TNFRSF11A: variants seen among roughly 807,000 people sequenced by gnomAD.
TNFRSF11A encodes tumor necrosis factor receptor superfamily member 11A.
Under a neutral mutation model 55.7 loss-of-function variants are expected in TNFRSF11A, and 32 were observed. The ratio of observed to expected loss-of-function variants is 0.57; its 90% CI spans 0.43 to 0.77. The LOEUF is 0.77. Among genes scored for constraint, TNFRSF11A ranks in the 30% least tolerant of loss-of-function variants. TNFRSF11A has a pLI of 0.00. For synonymous variants in TNFRSF11A, 311 were observed against 331.0 expected (o/e 0.94, Z 0.65); for missense variants, 753 against 809.8 (o/e 0.93, Z 0.85).
At position 62,361,772 on chromosome 18, in the gene TNFRSF11A, A is replaced by G. The variant is rs760249707; in HGVS notation, c.709A>G (p.Lys237Glu). 9 of 1,613,578 alleles carry G rather than the reference A, an allele frequency of 5.6e-6. No individual in the cohort carries two copies. Among genetic ancestry groups the G allele is most frequent in the African/African-American group, 2.7e-5 (2 of 74,868 alleles). ...CATCATCTTTGGCGTTTGCTATAGG[A>G]AAAAAGGGAAAGCACTCACAGGTAT... ...AAIIFGVCYR[K>E]KGKALTANLW... Residue 237 changes from lysine (K) to glutamate (E), a missense_variant, in exon 7 of 10, where the codon AAA (lysine) becomes GAA (glutamate). Physicochemically the swap from Lys to Glu is moderately conservative, Grantham distance 56. Coordinates refer to ENST00000586569, the MANE Select transcript of TNFRSF11A (RefSeq NM_003839.4).
chr18:62,356,286 G>A (rs1909249769), intron 4 of TNFRSF11A, among the ~76,000 whole-genome samples: 2 of 152,170 alleles, frequency 1.3e-5, no homozygotes, highest in African/African-American at 4.8e-5. Context: ...GAGTCTAACT[G>A]ACACATTCGG....
rs1163548471 is a variant in TNFRSF11A, at chr18:62,383,091, G to A, written c.1568-1660G>A. On this transcript the variant is annotated intron_variant, in intron 9 of 9. Coordinates refer to ENST00000586569, the MANE Select transcript of TNFRSF11A (RefSeq NM_003839.4). This position sits in a 1 kb window ranked among gnomAD's most constrained non-coding sequence, Gnocchi z 4.2. ...GAAGGTGCTGGGTAGGTGGTAAACAGGAATGCCAACGGGCCTCCCTCATGC... is the reference window on the plus strand; with the variant it reads ...GAAGGTGCTGGGTAGGTGGTAAACAAGAATGCCAACGGGCCTCCCTCATGC... Among the ~76,000 whole-genome samples, 1 of 152,142 alleles carries A rather than the reference G, an allele frequency of 6.6e-6. No homozygotes were observed. Among genetic ancestry groups the A allele is most frequent in the Non-Finnish European group, 1.5e-5 (1 of 68,020 alleles).
chr18:62,381,551 G>A (rs182902153), intron 9 of TNFRSF11A, among the ~76,000 whole-genome samples: 14 of 152,314 alleles, frequency 9.2e-5, no homozygotes, highest in Admixed American at 1.3e-4. Flanking sequence ...GCAGTTTTAC[G>A]TGATACTGAA....
intron 9 of TNFRSF11A, among the ~76,000 whole-genome samples, chr18:62,372,614 A>C (rs1288964753): frequency 3.3e-5 from 5 of 152,078 alleles, no homozygotes; most frequent in African/African-American, 1.2e-4. Context: ...TGATCTCGTC[A>C]TCCAGGCAGT....
At chr18:62,347,391 A>C (rs1358531862) in intron 1 of TNFRSF11A, among the ~76,000 whole-genome samples, 1 of 152,176 alleles carries the variant, frequency 6.6e-6, no homozygotes, top group Non-Finnish European at 1.5e-5. Flanking sequence ...GTGATTATAG[A>C]TGCCTGGGCT....
intron 3 of TNFRSF11A, among the ~76,000 whole-genome samples, chr18:62,353,697 A>G (rs1194531951): frequency 6.7e-6 from 1 of 149,074 alleles, no homozygotes; most frequent in African/African-American, 2.4e-5. Flanking sequence ...GTGTGTATGT[A>G]GTTTATAACA....
intron 1 of TNFRSF11A, among the ~76,000 whole-genome samples, chr18:62,338,145 T>TAAAAACC (rs2046260812): frequency 6.6e-6 from 1 of 152,170 alleles, no homozygotes; most frequent in Non-Finnish European, 1.5e-5. Context: ...GCTATTATTT[T>TAAAAACC]AAAAACCAAA....
At chr18:62,377,543 C>T (rs1043384455) in intron 9 of TNFRSF11A, among the ~76,000 whole-genome samples, 11 of 152,312 alleles carry the variant, frequency 7.2e-5, no homozygotes, top group South Asian at 4.1e-4. Context: ...CCCCCATGCT[C>T]GCCAGCATTT....
chr18:62,365,348 G>T (rs373608837), intron 7 of TNFRSF11A, among the ~76,000 whole-genome samples: 1 of 152,206 alleles, frequency 6.6e-6, no homozygotes, highest in African/African-American at 2.4e-5. Flanking sequence ...TAAATTCATA[G>T]ATTTCTTAAA....
rs1911794844 is a variant in TNFRSF11A, at chr18:62,387,222, C to G, written c.*2188C>G. On this transcript the variant is annotated 3_prime_UTR_variant, in exon 10 of 10. Transcript: ENST00000586569. ...TTTCAGAAAAAGGTAATATTATTTC[C>G]TGCACTGATCCCTACTAATTCTATA... 6.6e-6 allele frequency: 1 copy of G among 152,112 alleles called. No individual in the cohort carries two copies. Among genetic ancestry groups the G allele is most frequent in the Non-Finnish European group, 1.5e-5 (1 of 68,024 alleles). 9.4% of individuals were successfully genotyped at this position (152,112 alleles called of 1,614,324 possible).
At chr18:62,362,652 G>A (rs1011979394) in intron 7 of TNFRSF11A, among the ~76,000 whole-genome samples, 1 of 152,074 alleles carries the variant, frequency 6.6e-6, no homozygotes, top group Non-Finnish European at 1.5e-5. Flanking sequence ...ATCACGTCAT[G>A]TTTAACTTGT....
chr18:62,350,389 T>C (rs1026595834), intron 3 of TNFRSF11A, among the ~76,000 whole-genome samples: 6 of 152,098 alleles, frequency 3.9e-5, no homozygotes, highest in African/African-American at 9.7e-5. Flanking sequence ...GCCTCCCAGG[T>C]TCATGCCATT....
chr18:62,382,790 G>A (rs1339367532), intron 9 of TNFRSF11A, among the ~76,000 whole-genome samples: 1 of 143,530 alleles, frequency 7.0e-6, no homozygotes, highest in Non-Finnish European at 1.6e-5. Flanking sequence ...GTTTCATTTT[G>A]TTTGTATGTT....
chr18:62,354,125 T>C (rs1274154745), intron 3 of TNFRSF11A, among the ~76,000 whole-genome samples: 1 of 152,224 alleles, frequency 6.6e-6, no homozygotes, highest in Non-Finnish European at 1.5e-5. Context: ...CTTATCTTTC[T>C]ACTAACATGA....
At chr18:62,326,601 T>A (rs1425250563) in intron 1 of TNFRSF11A, among the ~76,000 whole-genome samples, 1 of 152,212 alleles carries the variant, frequency 6.6e-6, no homozygotes, top group African/African-American at 2.4e-5. Context: ...AAAACCTGCC[T>A]GACCACGCAG....
At position 62,349,948 on chromosome 18, in the gene TNFRSF11A, C is replaced by T. The variant is rs765459735; in HGVS notation, c.283+11C>T. The T allele has an allele frequency of 1.2e-5, 19 of 1,613,646 alleles. No individual in the cohort carries two copies. In the African/African-American group the frequency reaches 2.3e-4, roughly 19 times the overall value. On this transcript the variant is annotated intron_variant, in intron 3 of 9. Coordinates refer to ENST00000586569, the MANE Select transcript of TNFRSF11A (RefSeq NM_003839.4). ...AAGTTTGTGATACAGGTGAGCCCGT[C>T]CTGTCAGTGTGTCAGTGGGAAGTGT...
intron 1 of TNFRSF11A, among the ~76,000 whole-genome samples, chr18:62,331,774 T>G (rs2046158098): frequency 1.3e-5 from 2 of 152,348 alleles, no homozygotes; most frequent in South Asian, 2.1e-4. Context: ...ACTGTTTGCT[T>G]GCATGATACA....
At position 62,384,928 on chromosome 18, in the gene TNFRSF11A, C is replaced by T. The variant is rs1236606037; in HGVS notation, c.1745C>T (p.Ala582Val). 4 of 1,550,304 alleles carry T rather than the reference C, an allele frequency of 2.6e-6. No individual in the cohort carries two copies. Among genetic ancestry groups the T allele is most frequent in the South Asian group, 1.2e-5 (1 of 84,746 alleles). The change falls in exon 10 of 10, where the codon GCG (alanine) becomes GTG (valine). Residue 582 changes from alanine (A) to valine (V), a missense_variant. This residue lies in a region of TNFRSF11A where 567 missense variants were observed against 596.7 expected (regional missense o/e 0.95). Coordinates refer to ENST00000586569, the MANE Select transcript of TNFRSF11A (RefSeq NM_003839.4). ...ACCCTGGCGCGCCGAGACTCCTTCG[C>T]GGGGAACGGCCCGCGCTTCCCGGAC... is the stretch of plus-strand genomic sequence containing the variant. ...EETLARRDSFAGNGPRFPDPC... is the reference protein window; with the variant it reads ...EETLARRDSFVGNGPRFPDPC...
chr18:62,337,926 T>G (rs1452592350), intron 1 of TNFRSF11A, among the ~76,000 whole-genome samples: 3 of 152,176 alleles, frequency 2.0e-5, no homozygotes, highest in Admixed American at 6.5e-5. Context: ...ATTCAGTCAG[T>G]GTTGTCAGCA....
Sources: gnomAD v4.1 joint callset for allele counts (sites outside exome capture counted in the v4.1 genomes callset) on GRCh38, gnomAD v4.1.1 for gene constraint, gnomAD v4.1.1 regional missense constraint, Gnocchi (gnomAD v3.1) non-coding constraint, MANE v1.5 for transcripts, NCBI Gene and HGNC (gene_info 2026-07-23, HGNC 2026-07-21) for gene names.